KDM6B: variants seen among roughly 807,000 people sequenced by gnomAD.
The protein encoded by KDM6B is lysine-specific demethylase 6B.
Under a neutral mutation model 150.4 loss-of-function variants are expected in KDM6B, and 22 were observed. That is an observed-to-expected ratio of 0.15 (90% CI 0.10 to 0.21). The LOEUF is 0.21. Ranked by LOEUF, KDM6B falls within the 10% of genes least tolerant of loss-of-function variation. KDM6B has a pLI of 1.00. For missense variants in KDM6B, 1,984 were observed against 2,234.3 expected (o/e 0.89, Z 2.26); for synonymous variants, 1,148 against 921.1 (o/e 1.25, Z -4.46).
chr17:7,853,570 C>A lies in KDM6B; in HGVS notation c.*49C>A. On this transcript the variant is annotated 3_prime_UTR_variant, in exon 24 of 24. Coordinates refer to ENST00000448097, the MANE Select transcript of KDM6B (RefSeq NM_001348716.2). ...CTGCCCGCGCAAGGCGCCGCGGGGC[C>A]ACCAGCACATGCCTGGGCTGGACCT... The A allele has an allele frequency of 1.5e-6, 2 of 1,347,326 alleles. No individual in the cohort carries two copies. Among genetic ancestry groups the A allele is most frequent in the Non-Finnish European group, 1.9e-6 (2 of 1,042,330 alleles). The allele number at this position is 1,347,326 out of a possible 1,614,324, so 83.5% of individuals were successfully genotyped here.
chr17:7,846,587 G>C lies in KDM6B; in HGVS notation c.558G>C (p.Arg186=). Residue 186 remains arginine, a synonymous_variant, in exon 9 of 24, where the codon CGG becomes CGC. Coordinates refer to ENST00000448097, the MANE Select transcript of KDM6B (RefSeq NM_001348716.2). ...VWNLLHLEHK[R]NYGAKRGGPP... is the part of the protein sequence containing the mutation. ...TCTCTTTTTGTTCTCAGCACAAACG[G>C]AACTATGGAGCCAAGCGGGGAGGTC... 6.2e-7 allele frequency: 1 copy of C among 1,614,082 alleles called. No homozygotes were observed. Among genetic ancestry groups the C allele is most frequent in the Non-Finnish European group, 8.5e-7 (1 of 1,179,992 alleles).
Position 7,843,746 on chromosome 17 carries a change from T to C in KDM6B, c.-268-1155T>C, listed in dbSNP as rs1461204436. ...TCGCTGCTCTTTGTACTCTAGACTC[T>C]CAATGGACCGATCCCGGGAGCCGAG... On this transcript the variant is annotated intron_variant, in intron 2 of 23. Transcript: ENST00000448097. This position sits in a 1 kb window ranked among gnomAD's most constrained non-coding sequence, Gnocchi z 4.5. Among the ~76,000 whole-genome samples the C allele has an allele frequency of 6.6e-6, 1 of 151,906 alleles. No homozygotes were observed. Among genetic ancestry groups the C allele is most frequent in the Admixed American group, 6.5e-5 (1 of 15,274 alleles).
In KDM6B at chr17:7,849,860, T is replaced by G; in HGVS notation, c.3480T>G (p.Leu1160=). 3.7e-6 allele frequency: 6 copies of G among 1,613,276 alleles called. No homozygotes were observed. The highest frequency in any genetic ancestry group is 5.1e-6 in the Non-Finnish European group (6 of 1,179,984). ...AAGGGAAGTTTCGAGAGTCCTACCT[T>G]TCCCCTGCCCAGTCTGTGAAACCGA... ...KVKGKFRESY[L]SPAQSVKPKI... Residue 1160 remains leucine (L), a synonymous_variant, in exon 13 of 24, where the codon CTT becomes CTG. Transcript: ENST00000448097.
In KDM6B at chr17:7,852,323, G is replaced by A. The variant is rs1355331797; in HGVS notation, c.4455G>A (p.Val1485=). The change falls in exon 20 of 24, where the codon GTG becomes GTA. Residue 1485 remains valine (V), a synonymous_variant. Transcript: ENST00000448097. ...GGTGCAACAACATTGCCTGGAACGTGGGGCCCCTCACCGGTGAGAGGGTGG... is the reference window on the plus strand; with the variant it reads ...GGTGCAACAACATTGCCTGGAACGTAGGGCCCCTCACCGGTGAGAGGGTGG... The part of the protein sequence containing the change: ...TGWCNNIAWN[V]GPLTAYQYQL... 9.3e-6 allele frequency: 15 copies of A among 1,612,976 alleles called. No homozygotes were observed. The highest frequency in any genetic ancestry group is 1.3e-5 in the Non-Finnish European group (15 of 1,179,882).
chr17:7,847,537 C>T lies in KDM6B; in HGVS notation c.1258-9C>T, dbSNP rs750692519. ...GCAATGCTCCTACCACCTGCTTCTA[C>T]ACTTGCAGCCCGGCGCTGACCATTA... On this transcript the variant is annotated splice_polypyrimidine_tract_variant and intron_variant, in intron 11 of 23. Coordinates refer to ENST00000448097, the MANE Select transcript of KDM6B (RefSeq NM_001348716.2). The T allele has an allele frequency of 6.2e-7, 1 of 1,613,208 alleles. No individual in the cohort carries two copies. Among genetic ancestry groups the T allele is most frequent in the Non-Finnish European group, 8.5e-7 (1 of 1,179,910 alleles).
At chr17:7,839,787 G>A (rs757092658) in intron 1 of KDM6B, 119 bp from the exon 2 acceptor site, 4 of 152,214 alleles carry the variant, frequency 2.6e-5, no homozygotes, top group Non-Finnish European at 5.9e-5. Context: ...ATGGAAACAA[G>A]ATTCTCCCAT....
Position 7,852,615 on chromosome 17 carries a change from C to A in KDM6B, c.4589C>A (p.Pro1530His). ...GCTCGCACGGTCAAAATCAGCGACC[C>A]CGACTTGTTCAAGATGATCAAGTGA... Reference protein sequence around the residue: ...NVARTVKISDPDLFKMIKFCL... With the variant: ...NVARTVKISDHDLFKMIKFCL... Residue 1530 changes from proline (P) to histidine (H), a missense_variant, in exon 21 of 24, where the codon CCC becomes CAC. Coordinates refer to ENST00000448097, the MANE Select transcript of KDM6B (RefSeq NM_001348716.2). 1 of 1,614,088 alleles carries A rather than the reference C, an allele frequency of 6.2e-7. No individual in the cohort carries two copies. The highest frequency in any genetic ancestry group is 8.5e-7 in the Non-Finnish European group (1 of 1,180,030).
chr17:7,849,523 C>G lies in KDM6B; in HGVS notation c.3235C>G (p.Pro1079Ala), dbSNP rs770184583. Reference sequence around the variant, plus strand: ...TGGAAAGAAGGCTCGGGAGGAAGCCCCAGGGCCACCGGGTGTCAGCCGGGC... The same window carrying G: ...TGGAAAGAAGGCTCGGGAGGAAGCCGCAGGGCCACCGGGTGTCAGCCGGGC... ...VPGKKAREEA[P>A]GPPGVSRADM... The change falls in exon 12 of 24, where the codon CCA becomes GCA. Residue 1079 changes from proline to alanine, a missense_variant. Physicochemically the swap from Pro to Ala is conservative, Grantham distance 27. This residue lies in a region of KDM6B where 1,379 missense variants were observed against 1,275.6 expected (regional missense o/e 1.08). Coordinates refer to ENST00000448097, the MANE Select transcript of KDM6B (RefSeq NM_001348716.2). 3.1e-5 allele frequency: 50 copies of G among 1,612,750 alleles called. No homozygotes were observed. Among genetic ancestry groups the G allele is most frequent in the Admixed American group, 5.0e-5 (3 of 60,004 alleles).
rs567950885 is a variant in KDM6B, at chr17:7,837,108, T to C, written c.-388+2758T>C. 1.4e-3 allele frequency among the ~76,000 whole-genome samples: 212 copies of C among 152,160 alleles called. 1 individual carries two copies. Among genetic ancestry groups the C allele is most frequent in the African/African-American group, 4.8e-3 (201 of 41,492 alleles). On this transcript the variant is annotated intron_variant, in intron 1 of 23. Coordinates refer to ENST00000448097, the MANE Select transcript of KDM6B (RefSeq NM_001348716.2). ...TTTGCTGGGCTGAGGGAGCCTTGGG[T>C]CACTTTTCCCTAGATTGGCACAGAA...
In KDM6B at chr17:7,846,371, GCCCCTGCCCC is replaced by G; in HGVS notation, c.457-28_457-19del. 1 of 1,488,888 alleles carries G rather than the reference GCCCCTGCCCC, an allele frequency of 6.7e-7. No homozygotes were observed. The highest frequency in any genetic ancestry group is 9.2e-7 in the Non-Finnish European group (1 of 1,089,100). The allele number at this position is 1,488,888 out of a possible 1,614,324, so 92.2% of individuals were successfully genotyped here. Reference sequence around the variant, plus strand: ...TGGCTCAGTGCCCCACCTGACATCTGCCCCTGCCCCGTGTCCCCCCACCCCCAGGCCCAGC... The same window carrying G: ...TGGCTCAGTGCCCCACCTGACATCTGGTGTCCCCCCACCCCCAGGCCCAGC... On this transcript the variant is annotated intron_variant, in intron 7 of 23. Transcript: ENST00000448097.
chr17:7,838,579 C>T (rs780665358), intron 1 of KDM6B, among the ~76,000 whole-genome samples: 1 of 132,250 alleles, frequency 7.6e-6, no homozygotes, highest in Non-Finnish European at 1.6e-5. Flanking sequence ...CTCCCCCACT[C>T]TGTTGTCCAG....
At chr17:7,846,349 C>T in intron 7 of KDM6B, 51 bp from the exon 8 acceptor site, 13 of 1,571,968 alleles carry the variant, frequency 8.3e-6, no homozygotes, top group Non-Finnish European at 1.0e-5. Context: ...TGCCTTCTGG[C>T]TCAGTGCCCC....
chr17:7,852,769 G>A, intron 21 of KDM6B, 133 bp downstream of exon 21: 1 of 1,384,872 alleles, frequency 7.2e-7, no homozygotes, highest in Non-Finnish European at 1.0e-6. Context: ...CTGTGTTGGG[G>A]AGGCTAACTA....
rs759887081 is a variant in KDM6B, at chr17:7,846,700, G to A, written c.671G>A (p.Ser224Asn). 2.5e-6 allele frequency: 4 copies of A among 1,614,146 alleles called. No individual in the cohort carries two copies. In the South Asian group the frequency reaches 4.4e-5, roughly 18 times the overall value. The change falls in exon 9 of 24, where the codon AGC (serine) becomes AAC (asparagine). Residue 224 changes from serine (S) to asparagine (N), a missense_variant. Coordinates refer to ENST00000448097, the MANE Select transcript of KDM6B (RefSeq NM_001348716.2). Reference protein sequence around the residue: ...LSGPSGEEGLSPGGKRRRGCN... With the variant: ...LSGPSGEEGLNPGGKRRRGCN... Reference sequence around the variant, plus strand: ...GGCCCCTCAGGGGAGGAGGGCCTCAGCCCTGGAGGCAAGCGAAGGAGAGGC... The same window carrying A: ...GGCCCCTCAGGGGAGGAGGGCCTCAACCCTGGAGGCAAGCGAAGGAGAGGC...
chr17:7,853,442 G>GCTTC, intron 23 of KDM6B, 56 bp from the exon 24 acceptor site: 2 of 1,523,404 alleles, frequency 1.3e-6, no homozygotes, highest in Non-Finnish European at 1.8e-6. Context: ...GCAGGGACGG[G>GCTTC]CTTCGGGAGC....
intron 1 of KDM6B, among the ~76,000 whole-genome samples, chr17:7,837,673 A>G (rs1036080259): frequency 2.6e-5 from 4 of 152,230 alleles, no homozygotes; most frequent in African/African-American, 4.8e-5. Context: ...ACATTTAAAT[A>G]TCAACACCTA....
In KDM6B at chr17:7,852,231, G is replaced by A. The variant is rs2078711933; in HGVS notation, c.4363G>A (p.Val1455Met). ...YASNIPVYRF[V>M]QRPGDLVWIN... ...ATCCAATATTCCTGTGTACCGCTTC[G>A]TGCAGCGACCCGGAGACCTCGTGTG... is the stretch of plus-strand genomic sequence containing the variant. The change falls in exon 20 of 24, where the codon GTG becomes ATG. Residue 1455 changes from valine to methionine, a missense_variant. Transcript: ENST00000448097. The A allele has an allele frequency of 2.5e-6, 4 of 1,614,100 alleles. No individual in the cohort carries two copies. Among genetic ancestry groups the A allele is most frequent in the Non-Finnish European group, 3.4e-6 (4 of 1,180,038 alleles).
At position 7,845,875 on chromosome 17, in the gene KDM6B, C is replaced by T; in HGVS notation, c.141C>T (p.Cys47=). 6.2e-7 allele frequency: 1 copy of T among 1,613,522 alleles called. No individual in the cohort carries two copies. The highest frequency in any genetic ancestry group is 8.5e-7 in the Non-Finnish European group (1 of 1,179,444). ...AACAGACTCCTTCTCTCTCCAGATG[C>T]TCAGCCAGCATTGGGCAGCCCCCGC... is the stretch of plus-strand genomic sequence containing the variant. ...PRSAWLPGGR[C]SASIGQPPLP... is the part of the protein sequence containing the mutation. The change falls in exon 6 of 24, where the codon TGC becomes TGT. Residue 47 remains cysteine (C), a synonymous_variant. Coordinates refer to ENST00000448097, the MANE Select transcript of KDM6B (RefSeq NM_001348716.2).
At chr17:7,842,239 C>G (rs761933755) in intron 2 of KDM6B, among the ~76,000 whole-genome samples, 2 of 151,574 alleles carry the variant, frequency 1.3e-5, no homozygotes, top group African/African-American at 2.4e-5. Context: ...GGTAGGGGGT[C>G]GGTTAAAGTC....
Sources: allele counts gnomAD v4.1 joint callset (sites outside exome capture counted in the v4.1 genomes callset), GRCh38; gene constraint gnomAD v4.1.1; regional missense constraint gnomAD v4.1.1; non-coding constraint Gnocchi (gnomAD v3.1); transcripts MANE v1.5; gene names NCBI Gene and HGNC (gene_info 2026-07-23, HGNC 2026-07-21).